ZNG1B: variants seen among roughly 807,000 people sequenced by gnomAD.
ZNG1B encodes the protein Zn regulated GTPase metalloprotein activator 1B.
chr2:113,489,812 A>G, the ZNG1B span, among the ~76,000 whole-genome samples: 1 of 148,354 alleles, frequency 6.7e-6, no homozygotes, highest in Non-Finnish European at 1.5e-5. Context: ...ACAGGAAAGT[A>G]TCACAATCCT....
chr2:113,462,175 GA>G, the ZNG1B span, among the ~76,000 whole-genome samples: 2 of 152,108 alleles, frequency 1.3e-5, no homozygotes, highest in African/African-American at 4.8e-5. Context: ...TGGGTAATGT[GA>G]AATCTGAACT....
the ZNG1B span, among the ~76,000 whole-genome samples, chr2:113,438,833 C>T: frequency 3.3e-5 from 5 of 152,342 alleles, no homozygotes; most frequent in Admixed American, 3.3e-4. Context: ...GATACTGTTT[C>T]CGGGAAATAA....
chr2:113,482,042 T>C, the ZNG1B span: 1 of 1,007,868 alleles, frequency 9.9e-7, no homozygotes, highest in African/African-American at 1.7e-5. Flanking sequence ...TGCGAACAAC[T>C]TGTAAAATTG....
the ZNG1B span, chr2:113,468,821 GA>G: frequency 6.6e-6 from 1 of 150,946 alleles, no homozygotes; most frequent in Non-Finnish European, 1.5e-5. Flanking sequence ...CCTCTTTTTT[GA>G]AAATTTGGTG....
At chr2:113,469,008 T>C in the ZNG1B span, 1 of 152,064 alleles carries the variant, frequency 6.6e-6, no homozygotes, top group African/African-American at 2.4e-5. Flanking sequence ...GAAGCTTGTG[T>C]TTCCAAAGTG....
chr2:113,473,850 G>A, the ZNG1B span, among the ~76,000 whole-genome samples: 2 of 142,604 alleles, frequency 1.4e-5, no homozygotes, highest in South Asian at 4.5e-4. Context: ...CTTGATCATG[G>A]TGGATAAGCT....
the ZNG1B span, among the ~76,000 whole-genome samples, chr2:113,474,755 T>C: frequency 6.6e-6 from 1 of 152,144 alleles, no homozygotes; most frequent in South Asian, 2.1e-4. Flanking sequence ...TACCCAGTAG[T>C]CATTCAGGAG....
chr2:113,451,608 A>G, the ZNG1B span, among the ~76,000 whole-genome samples: 1 of 151,558 alleles, frequency 6.6e-6, no homozygotes, highest in African/African-American at 2.4e-5. Context: ...AGACATTGCC[A>G]AATATTCCCT....
the ZNG1B span, chr2:113,482,317 A>T: frequency 7.6e-7 from 1 of 1,316,062 alleles, no homozygotes; most frequent in Non-Finnish European, 1.1e-6. Context: ...GGACTATTTT[A>T]TTATAAACTT....
At chr2:113,438,291 C>G in the ZNG1B span, among the ~76,000 whole-genome samples, 2 of 152,320 alleles carry the variant, frequency 1.3e-5, no homozygotes, top group South Asian at 4.1e-4. Context: ...GACACGCCCC[C>G]CTGATTGTCT....
chr2:113,488,321 GTAC>G, the ZNG1B span, among the ~76,000 whole-genome samples: 1 of 152,126 alleles, frequency 6.6e-6, no homozygotes, highest in Non-Finnish European at 1.5e-5. Context: ...AAGGGAGAGA[GTAC>G]TACATCAAGG....
chr2:113,438,939 CTT>C, the ZNG1B span: 1 of 1,533,428 alleles, frequency 6.5e-7, no homozygotes, highest in Non-Finnish European at 8.8e-7. Flanking sequence ...TTTTAAAAAA[CTT>C]TGTAGACTGT....
At chr2:113,452,128 C>T in the ZNG1B span, among the ~76,000 whole-genome samples, 1 of 152,204 alleles carries the variant, frequency 6.6e-6, no homozygotes, top group African/African-American at 2.4e-5. Flanking sequence ...GACATTGATT[C>T]AGCCCCTGTT....
chr2:113,442,120 C>A, the ZNG1B span, among the ~76,000 whole-genome samples: 1 of 152,138 alleles, frequency 6.6e-6, no homozygotes, highest in Admixed American at 6.5e-5. Flanking sequence ...GAAAATGCTT[C>A]TGTTATTAGT....
chr2:113,438,205 C>G, the ZNG1B span, among the ~76,000 whole-genome samples: 2 of 152,102 alleles, frequency 1.3e-5, no homozygotes, highest in Non-Finnish European at 2.9e-5. Context: ...TAATGATGCC[C>G]GGCCCCCTCT....
chr2:113,478,584 T>C, the ZNG1B span, among the ~76,000 whole-genome samples: 2 of 151,956 alleles, frequency 1.3e-5, no homozygotes, highest in Non-Finnish European at 2.9e-5. Context: ...CCCAGCCTTA[T>C]ATATATATTT....
chr2:113,441,249 A>T, the ZNG1B span: 1 of 1,416,716 alleles, frequency 7.1e-7, no homozygotes, highest in Non-Finnish European at 9.4e-7. Flanking sequence ...AATATATGAA[A>T]AATAGCACGC....
At chr2:113,444,870 G>A in the ZNG1B span, 1 of 1,553,176 alleles carries the variant, frequency 6.4e-7, no homozygotes. Context: ...GGGTACTTTT[G>A]TCTTGGGTTG....
At chr2:113,439,598 C>T in the ZNG1B span, among the ~76,000 whole-genome samples, 1 of 152,260 alleles carries the variant, frequency 6.6e-6, no homozygotes, top group Non-Finnish European at 1.5e-5. Context: ...GGTTAAAATC[C>T]AAATTCCTTA....
Sources: gnomAD v4.1 joint callset for allele counts (sites outside exome capture counted in the v4.1 genomes callset) on GRCh38, gnomAD v4.1.1 for gene constraint, MANE v1.5 for transcripts, NCBI Gene and HGNC (gene_info 2026-07-23, HGNC 2026-07-21) for gene names.